Variants in STK3 observed in about 807,000 individuals in gnomAD.
STK3 encodes the protein serine/threonine kinase 3.
STK3 carries 41 observed loss-of-function variants against 58.0 expected under a neutral mutation model. The ratio of observed to expected loss-of-function variants is 0.71; its 90% CI spans 0.55 to 0.92. The LOEUF is 0.92. STK3 is among the 40% of genes least tolerant of loss of function. The probability of loss-of-function intolerance (pLI) is 0.00; values close to 1 mark genes in which losing one functional copy is unlikely to be tolerated. For synonymous variants in STK3, 170 were observed against 191.0 expected (o/e 0.89, Z 0.91); for missense variants, 479 against 602.7 (o/e 0.79, Z 2.15).
chr8:98,770,949 T>C (rs1489143234), intron 2 of STK3, among the ~76,000 whole-genome samples: 1 of 152,156 alleles, frequency 6.6e-6, no homozygotes, highest in Non-Finnish European at 1.5e-5. Flanking sequence ...AAAACTATAA[T>C]TAACTGTCCT....
At chr8:98,344,611 C>A in the STK3 span, among the ~76,000 whole-genome samples, 50 of 149,526 alleles carry the variant, frequency 3.3e-4, no homozygotes, top group Admixed American at 3.2e-3. Flanking sequence ...ATGGGACCCT[C>A]GGCCGGGCGC....
At chr8:98,542,494 G>A (rs1810375449) in intron 9 of STK3, among the ~76,000 whole-genome samples, 1 of 151,966 alleles carries the variant, frequency 6.6e-6, no homozygotes, top group Non-Finnish European at 1.5e-5. Context: ...CCTTTGACTA[G>A]CTTACTAAAA....
intron 3 of STK3, chr8:98,429,679 A>C: frequency 2.3e-6 from 1 of 441,660 alleles, no homozygotes. Context: ...CCTTTTTGCC[A>C]GATGAGTACA....
intron 1 of STK3, among the ~76,000 whole-genome samples, chr8:98,816,935 A>C (rs191359547): frequency 6.6e-6 from 1 of 152,340 alleles, no homozygotes; most frequent in East Asian, 1.9e-4. Flanking sequence ...CTTATAGGGA[A>C]AGGCCACTGT....
At chr8:98,939,755 C>T (rs1840335026) in intron 1 of STK3, among the ~76,000 whole-genome samples, 1 of 152,234 alleles carries the variant, frequency 6.6e-6, no homozygotes, top group Non-Finnish European at 1.5e-5. Flanking sequence ...CAGACCGTGC[C>T]CTAGTCTTTT....
intron 6 of STK3, among the ~76,000 whole-genome samples, chr8:98,604,187 TC>T (rs944288428): frequency 6.6e-6 from 1 of 152,196 alleles, no homozygotes; most frequent in African/African-American, 2.4e-5. Flanking sequence ...TCTGAGATAC[TC>T]CAGGATAAAA....
At chr8:98,925,911 G>A (rs895350371) in intron 1 of STK3, among the ~76,000 whole-genome samples, 2 of 152,154 alleles carry the variant, frequency 1.3e-5, no homozygotes. Context: ...ATAAATCACA[G>A]GCTAAACTTG....
At chr8:98,576,592 T>A (rs1813411117) in intron 8 of STK3, among the ~76,000 whole-genome samples, 1 of 152,238 alleles carries the variant, frequency 6.6e-6, no homozygotes, top group South Asian at 2.1e-4. Flanking sequence ...ACTGTACAAG[T>A]TTTTTAACTC....
At chr8:98,415,506 A>G (rs1230490344) in intron 3 of STK3, among the ~76,000 whole-genome samples, 1 of 152,142 alleles carries the variant, frequency 6.6e-6, no homozygotes, top group Non-Finnish European at 1.5e-5. Flanking sequence ...TCTCCTTCCC[A>G]ACCACTCCAT....
chr8:98,775,559 G>A (rs1320775447), intron 1 of STK3, among the ~76,000 whole-genome samples: 2 of 152,144 alleles, frequency 1.3e-5, no homozygotes, highest in Non-Finnish European at 2.9e-5. Flanking sequence ...TAAAGACAAT[G>A]TTGAAAATCT....
At chr8:98,524,989 T>C (rs1825641546) in intron 10 of STK3, among the ~76,000 whole-genome samples, 2 of 152,254 alleles carry the variant, frequency 1.3e-5, no homozygotes, top group African/African-American at 4.8e-5. Flanking sequence ...TAAATCATTT[T>C]ATTTGCCATT....
At chr8:98,479,118 T>C (rs760397471) in intron 10 of STK3, among the ~76,000 whole-genome samples, 15 of 152,134 alleles carry the variant, frequency 9.9e-5, no homozygotes, top group Non-Finnish European at 1.3e-4. Flanking sequence ...TCCACCTGCA[T>C]GAAGACATGA....
chr8:98,738,550 T>G (rs1828833304), intron 4 of STK3, among the ~76,000 whole-genome samples: 1 of 152,228 alleles, frequency 6.6e-6, no homozygotes, highest in East Asian at 1.9e-4. Context: ...ACAAGGGAAT[T>G]GCATCCCAAA....
Position 98,818,423 on chromosome 8 carries a change from A to G in STK3, c.26+7092T>C, listed in dbSNP as rs117611191. Among the ~76,000 whole-genome samples the G allele has an allele frequency of 3.2e-4, 49 of 152,358 alleles. No individual in the cohort carries two copies. The East Asian group carries it at 9.1e-3, about 28-fold the overall frequency. On this transcript the variant is annotated intron_variant, in intron 1 of 10. Transcript: ENST00000419617. The stretch of plus-strand genomic sequence containing the variant: ...ATTTTGCCATGAGTAGTGATCAGTA[A>G]GTAAAGAAAGCCAGTTTTCAGAAAG...
intron 10 of STK3, among the ~76,000 whole-genome samples, chr8:98,524,224 G>C (rs920061198): frequency 6.6e-6 from 1 of 152,182 alleles, no homozygotes; most frequent in Non-Finnish European, 1.5e-5. Flanking sequence ...CTGTCTTTCT[G>C]ACAGTACCAC....
At chr8:98,587,534 G>C (rs1165596483) in intron 7 of STK3, among the ~76,000 whole-genome samples, 1 of 152,018 alleles carries the variant, frequency 6.6e-6, no homozygotes, top group Non-Finnish European at 1.5e-5. Context: ...GGTCAATTTT[G>C]GAATAGGAGT....
chr8:98,670,677 T>C (rs572272479), intron 6 of STK3, among the ~76,000 whole-genome samples: 7 of 152,140 alleles, frequency 4.6e-5, no homozygotes, highest in Non-Finnish European at 1.0e-4. Flanking sequence ...ACCAATCAAA[T>C]GTTGCCTTTT....
chr8:98,665,123 T>C (rs1016332585), intron 6 of STK3, among the ~76,000 whole-genome samples: 2 of 152,228 alleles, frequency 1.3e-5, no homozygotes, highest in African/African-American at 2.4e-5. Flanking sequence ...CTTCCTACTG[T>C]GTGTCAAACA....
chr8:98,775,281 C>T (rs548114561), intron 1 of STK3, among the ~76,000 whole-genome samples: 64 of 152,266 alleles, frequency 4.2e-4, no homozygotes, highest in Admixed American at 3.1e-3. Flanking sequence ...AAATGCCACA[C>T]CTGACCTCAT....
Sources: allele counts gnomAD v4.1 joint callset (sites outside exome capture counted in the v4.1 genomes callset), GRCh38; gene constraint gnomAD v4.1.1; transcripts MANE v1.5; gene names NCBI Gene and HGNC (gene_info 2026-07-23, HGNC 2026-07-21).